GPC5: variants seen among roughly 807,000 people sequenced by gnomAD.
The protein encoded by GPC5 is glypican 5.
GPC5 carries 47 observed loss-of-function variants against 53.9 expected under a neutral mutation model. The ratio of observed to expected loss-of-function variants is 0.87; its 90% CI spans 0.69 to 1.11. The LOEUF (loss-of-function observed/expected upper bound fraction) is 1.11, where lower values mean the gene tolerates loss of function less well. Ranked by LOEUF, GPC5 falls within the 50% of genes most tolerant of loss-of-function variation. GPC5 has a pLI of 0.00. For missense variants in GPC5, 748 were observed against 713.1 expected, an observed-to-expected ratio of 1.05 and a Z score of -0.56; for synonymous variants, 286 against 263.3, an observed-to-expected ratio of 1.09 and a Z score of -0.84.
intron 7 of GPC5, among the ~76,000 whole-genome samples, chr13:92,741,771 G>A (rs879459790): frequency 6.6e-6 from 1 of 152,026 alleles, no homozygotes; most frequent in Non-Finnish European, 1.5e-5. Flanking sequence ...GGTGTGTGAT[G>A]TTCCCCTTCC....
At chr13:91,476,827 A>G (rs538133410) in intron 2 of GPC5, among the ~76,000 whole-genome samples, 1 of 152,346 alleles carries the variant, frequency 6.6e-6, no homozygotes, top group South Asian at 2.1e-4. Context: ...TATTATCTAC[A>G]AAGAACTGTA....
intron 3 of GPC5, among the ~76,000 whole-genome samples, chr13:91,697,964 C>T (rs967866813): frequency 2.7e-5 from 4 of 150,044 alleles, no homozygotes; most frequent in Middle Eastern, 3.2e-3. Context: ...TGCAATGGCG[C>T]GATCTTGGCT....
chr13:92,501,636 G>A (rs528971672), intron 7 of GPC5, among the ~76,000 whole-genome samples: 13 of 151,992 alleles, frequency 8.6e-5, no homozygotes, highest in African/African-American at 2.4e-4. Context: ...AGTGTGGGCC[G>A]AGACACAGCA....
intron 7 of GPC5, among the ~76,000 whole-genome samples, chr13:92,577,263 G>T (rs1272296916): frequency 2.0e-5 from 3 of 152,102 alleles, no homozygotes; most frequent in African/African-American, 7.2e-5. Context: ...GACAAGACCT[G>T]CATTTCACCA....
At chr13:91,962,426 A>G (rs2040134454) in intron 6 of GPC5, among the ~76,000 whole-genome samples, 1 of 152,134 alleles carries the variant, frequency 6.6e-6, no homozygotes, top group Non-Finnish European at 1.5e-5. Flanking sequence ...ATAGAAATTA[A>G]TTTCCTTTTA....
intron 7 of GPC5, among the ~76,000 whole-genome samples, chr13:92,489,116 G>A (rs1436751278): frequency 6.6e-6 from 1 of 152,128 alleles, no homozygotes; most frequent in East Asian, 1.9e-4. Flanking sequence ...TTGCATCATG[G>A]AGTAGAGAAA....
chr13:91,588,405 A>G (rs1417256083), intron 2 of GPC5, among the ~76,000 whole-genome samples: 1 of 152,074 alleles, frequency 6.6e-6, no homozygotes, highest in Non-Finnish European at 1.5e-5. Flanking sequence ...TGGCTTTGGG[A>G]GAGTTCCTTA....
intron 6 of GPC5, among the ~76,000 whole-genome samples, chr13:92,133,226 G>C (rs781489716): frequency 1.2e-4 from 19 of 152,184 alleles, no homozygotes; most frequent in Non-Finnish European, 2.2e-4. Context: ...CTACAATTTT[G>C]TAGTTTATGT....
chr13:91,444,256 G>A (rs530111959), intron 1 of GPC5, among the ~76,000 whole-genome samples: 2 of 152,018 alleles, frequency 1.3e-5, no homozygotes, highest in South Asian at 4.2e-4. Context: ...TCATATCTGA[G>A]TTTTAAAATT....
At chr13:91,861,109 G>A (rs1306055892) in intron 5 of GPC5, among the ~76,000 whole-genome samples, 6 of 152,016 alleles carry the variant, frequency 3.9e-5, no homozygotes, top group Admixed American at 6.6e-5. Context: ...CTTAAAATCC[G>A]TTTAAACTTA....
intron 7 of GPC5, among the ~76,000 whole-genome samples, chr13:92,160,856 C>T (rs554690701): frequency 2.6e-5 from 4 of 152,124 alleles, no homozygotes; most frequent in African/African-American, 9.7e-5. Context: ...CCAAGTCTCT[C>T]TCCTTCACTA....
chr13:91,947,171 A>G (rs796557793), intron 6 of GPC5, among the ~76,000 whole-genome samples: 6 of 152,156 alleles, frequency 3.9e-5, no homozygotes, highest in South Asian at 4.1e-4. Context: ...ACCTTCTAAT[A>G]TATTTTACTA....
intron 2 of GPC5, among the ~76,000 whole-genome samples, chr13:91,490,607 A>T (rs779313738): frequency 2.6e-5 from 4 of 152,188 alleles, no homozygotes; most frequent in Non-Finnish European, 5.9e-5. Flanking sequence ...TGGTGTTATG[A>T]CCCAACTTGC....
chr13:91,913,720 A>G (rs1412189929), intron 6 of GPC5, among the ~76,000 whole-genome samples: 4 of 152,134 alleles, frequency 2.6e-5, no homozygotes, highest in African/African-American at 4.8e-5. Flanking sequence ...TGACTCTGAC[A>G]TCTTTCTCCA....
chr13:91,955,093 T>G (rs969466865), intron 6 of GPC5, among the ~76,000 whole-genome samples: 1 of 152,162 alleles, frequency 6.6e-6, no homozygotes, highest in African/African-American at 2.4e-5. Flanking sequence ...TCTGAATAAA[T>G]GCAGGAATAG....
intron 7 of GPC5, among the ~76,000 whole-genome samples, chr13:92,621,571 A>G (rs1884868785): frequency 6.6e-6 from 1 of 152,160 alleles, no homozygotes; most frequent in Non-Finnish European, 1.5e-5. Context: ...CTGTAATCCC[A>G]GCACTTTGGG....
At chr13:91,981,363 C>A (rs899677144) in intron 6 of GPC5, among the ~76,000 whole-genome samples, 1 of 151,576 alleles carries the variant, frequency 6.6e-6, no homozygotes, top group Non-Finnish European at 1.5e-5. Context: ...GATCTCGGCT[C>A]ACTGCAAGCT....
At chr13:92,341,398 C>A (rs1044979816) in intron 7 of GPC5, among the ~76,000 whole-genome samples, 1 of 151,586 alleles carries the variant, frequency 6.6e-6, no homozygotes, top group Admixed American at 6.6e-5. Context: ...ATGAGAGACA[C>A]AAAGATTTTT....
chr13:91,419,439 A>G (rs1878454482), intron 1 of GPC5, among the ~76,000 whole-genome samples: 1 of 152,180 alleles, frequency 6.6e-6, no homozygotes, highest in Non-Finnish European at 1.5e-5. Context: ...TAGGCTGAAA[A>G]TTTTGGCTCT....
Sources: gnomAD v4.1 joint callset for allele counts (sites outside exome capture counted in the v4.1 genomes callset) on GRCh38, gnomAD v4.1.1 for gene constraint, MANE v1.5 for transcripts, NCBI Gene and HGNC (gene_info 2026-07-23, HGNC 2026-07-21) for gene names.